KCNIP4: variants seen among roughly 807,000 people sequenced by gnomAD.
KCNIP4 encodes potassium voltage-gated channel interacting protein 4.
Under a neutral mutation model 34.0 loss-of-function variants are expected in KCNIP4, and 12 were observed. The ratio of observed to expected loss-of-function variants is 0.35; its 90% confidence interval spans 0.23 to 0.57. KCNIP4 has a LOEUF of 0.57. KCNIP4 is among the 20% of genes least tolerant of loss of function. The pLI is 0.83. For synonymous variants in KCNIP4, 124 were observed against 102.2 expected (o/e 1.21, Z -1.29); for missense variants, 238 against 311.7 (o/e 0.76, Z 1.78).
At chr4:20,956,634 TGAGA>T (rs760429271) in intron 1 of KCNIP4, among the ~76,000 whole-genome samples, 29 of 152,130 alleles carry the variant, frequency 1.9e-4, no homozygotes, top group Non-Finnish European at 3.7e-4. Flanking sequence ...AGATTAAAAA[TGAGA>T]GAGGAATCTA....
intron 1 of KCNIP4, among the ~76,000 whole-genome samples, chr4:21,001,374 C>A (rs10000559): frequency 0.026 from 3,904 of 152,114 alleles, 152 homozygotes; most frequent in African/African-American, 0.087. Context: ...ACCACAAAAC[C>A]CCTTTAACCT....
chr4:21,065,726 C>CTATATATA (rs5856598), intron 1 of KCNIP4, among the ~76,000 whole-genome samples: 86 of 86,342 alleles, frequency 1.0e-3, no homozygotes, highest in South Asian at 1.9e-3. Flanking sequence ...TATCATTTGT[C>CTATATATA]TATATATATA....
chr4:21,584,644 G>T (rs143254756), intron 1 of KCNIP4, among the ~76,000 whole-genome samples: 3 of 152,030 alleles, frequency 2.0e-5, no homozygotes, highest in African/African-American at 7.2e-5. Flanking sequence ...AGAGAGCAAG[G>T]CTCAGACTCA....
intron 1 of KCNIP4, among the ~76,000 whole-genome samples, chr4:21,939,995 C>T (rs1730112232): frequency 6.6e-6 from 1 of 152,084 alleles, no homozygotes; most frequent in Admixed American, 6.6e-5. Flanking sequence ...CATGTAAATT[C>T]CCAATAAGAG....
chr4:21,375,786 C>T (rs75290905), intron 1 of KCNIP4, among the ~76,000 whole-genome samples: 1,559 of 152,180 alleles, frequency 0.01, 27 homozygotes, highest in African/African-American at 0.036. Flanking sequence ...CCAGGATGGT[C>T]TTGATCTCCT....
At chr4:21,374,606 G>A (rs1420972670) in intron 1 of KCNIP4, among the ~76,000 whole-genome samples, 1 of 147,488 alleles carries the variant, frequency 6.8e-6, no homozygotes, top group African/African-American at 2.7e-5. Flanking sequence ...TGAACTGTAT[G>A]GTATGGGCAT....
At chr4:21,915,562 T>C (rs1728582486) in intron 1 of KCNIP4, among the ~76,000 whole-genome samples, 2 of 152,244 alleles carry the variant, frequency 1.3e-5, no homozygotes, top group African/African-American at 2.4e-5. Context: ...TATATGTTTT[T>C]ATCAATTCTT....
At chr4:21,388,044 T>A (rs985050190) in intron 1 of KCNIP4, among the ~76,000 whole-genome samples, 10 of 148,952 alleles carry the variant, frequency 6.7e-5, no homozygotes, top group African/African-American at 2.6e-4. Flanking sequence ...ATTGCAATAG[T>A]AGGGACAGCT....
intron 1 of KCNIP4, among the ~76,000 whole-genome samples, chr4:20,992,355 T>G (rs1045998283): frequency 3.3e-5 from 5 of 152,126 alleles, no homozygotes; most frequent in African/African-American, 1.2e-4. Flanking sequence ...CTCATTATCA[T>G]GAGAACAGCA....
chr4:21,187,611 G>A (rs1366584095), intron 1 of KCNIP4, among the ~76,000 whole-genome samples: 2 of 152,168 alleles, frequency 1.3e-5, no homozygotes, highest in Admixed American at 6.5e-5. Flanking sequence ...AGAATTCCTT[G>A]TCAGGAGCAC....
chr4:21,025,473 TGAGAGAGA>T (rs33926876), intron 1 of KCNIP4, among the ~76,000 whole-genome samples: 1,622 of 95,064 alleles, frequency 0.017, 55 homozygotes, highest in African/African-American at 0.063. Context: ...TGAAAACAAC[TGAGAGAGA>T]GAGAGAGAGA....
At chr4:20,779,205 C>T (rs1266604231) in intron 3 of KCNIP4, among the ~76,000 whole-genome samples, 1 of 152,100 alleles carries the variant, frequency 6.6e-6, no homozygotes, top group Non-Finnish European at 1.5e-5. Flanking sequence ...TTGAATAATA[C>T]AGATCAAATT....
chr4:21,277,056 G>T (rs1762490086), intron 1 of KCNIP4, among the ~76,000 whole-genome samples: 1 of 152,074 alleles, frequency 6.6e-6, no homozygotes, highest in African/African-American at 2.4e-5. Context: ...TTTATTGAGA[G>T]GAAAAATATA....
At chr4:21,333,242 C>T (rs897558798) in intron 1 of KCNIP4, among the ~76,000 whole-genome samples, 2 of 151,948 alleles carry the variant, frequency 1.3e-5, no homozygotes, top group East Asian at 3.9e-4. Context: ...CTTGTTTTCC[C>T]TCCTAGAGTA....
Position 21,049,567 on chromosome 4 carries a change from G to A in KCNIP4, c.62-166858C>T, listed in dbSNP as rs1272648557. Among the ~76,000 whole-genome samples, 5 of 152,256 alleles carry A rather than the reference G, an allele frequency of 3.3e-5. No individual in the cohort carries two copies. In the East Asian group the frequency reaches 9.7e-4, roughly 29 times the overall value. On this transcript the variant is annotated intron_variant, in intron 1 of 8. Transcript: ENST00000382152. Reference sequence around the variant, plus strand: ...ATCAATGTACAAGTGTTTCTATTCTGTGAAGTCTTTACCCTCTTTCTGGTC... The same window carrying A: ...ATCAATGTACAAGTGTTTCTATTCTATGAAGTCTTTACCCTCTTTCTGGTC...
At chr4:21,426,991 T>C (rs1472576850) in intron 1 of KCNIP4, among the ~76,000 whole-genome samples, 2 of 152,084 alleles carry the variant, frequency 1.3e-5, no homozygotes, top group Non-Finnish European at 2.9e-5. Context: ...ACTTTTCTGT[T>C]CTCACAAATG....
In KCNIP4 at chr4:21,234,426, T is replaced by TAACA. The variant is rs1560199406; in HGVS notation, c.62-351718_62-351717insTGTT. Among the ~76,000 whole-genome samples, 11 of 130,908 alleles carry TAACA rather than the reference T, an allele frequency of 8.4e-5. 1 individual carries two copies. Among genetic ancestry groups the TAACA allele is most frequent in the Non-Finnish European group, 1.4e-4 (9 of 65,440 alleles). 85.9% of individuals were successfully genotyped at this position (130,908 alleles called of 152,430 possible). ...TATTATATAACATATACTATATATA[T>TAACA]TACATATAACGTATATAATATATAT... On this transcript the variant is annotated intron_variant, in intron 1 of 8. Transcript: ENST00000382152.
intron 1 of KCNIP4, among the ~76,000 whole-genome samples, chr4:21,055,414 C>G (rs560929304): frequency 2.0e-5 from 3 of 152,216 alleles, no homozygotes; most frequent in Admixed American, 2.0e-4. Flanking sequence ...AATTGTACTC[C>G]TTGGTATTTA....
At chr4:21,684,351 A>G (rs1229983357) in intron 1 of KCNIP4, among the ~76,000 whole-genome samples, 2 of 152,172 alleles carry the variant, frequency 1.3e-5, no homozygotes, top group Non-Finnish European at 2.9e-5. Context: ...TGAAATTTTA[A>G]AATTCATATT....
Sources: allele counts gnomAD v4.1 joint callset (sites outside exome capture counted in the v4.1 genomes callset), GRCh38; gene constraint gnomAD v4.1.1; transcripts MANE v1.5; gene names NCBI Gene and HGNC (gene_info 2026-07-23, HGNC 2026-07-21).